DZIP1L: variants seen among roughly 807,000 people sequenced by gnomAD.
DZIP1L encodes the protein DAZ interacting zinc finger protein 1 like, also known as cilium assembly protein DZIP1L.
A neutral mutation model predicts 88.7 loss-of-function variants in DZIP1L; 90 were observed. The observed-to-expected ratio is 1.02, with a 90% CI of 0.86 to 1.21. The LOEUF is 1.21. Among genes scored for constraint, DZIP1L ranks in the 50% most tolerant of loss-of-function variants. The probability of loss-of-function intolerance (pLI) is 0.00; values close to 1 mark genes in which losing one functional copy is unlikely to be tolerated. For synonymous variants in DZIP1L, 363 were observed against 372.1 expected (o/e 0.98, Z 0.28); for missense variants, 932 against 955.8 (o/e 0.98, Z 0.33).
At chr3:138,103,050 CAT>C in intron 2 of DZIP1L, 1 of 434,994 alleles carries the variant, frequency 2.3e-6, no homozygotes, top group Non-Finnish European at 4.2e-6. Context: ...TCCTTTATAA[CAT>C]AGTACAAGCA....
chr3:138,076,897 A>C (rs1943438596), intron 11 of DZIP1L, among the ~76,000 whole-genome samples: 1 of 152,190 alleles, frequency 6.6e-6, no homozygotes, highest in African/African-American at 2.4e-5. Context: ...TTCCCCAAAA[A>C]CCCACTGAAA....
At chr3:138,100,158 C>T (rs1331342445) in intron 2 of DZIP1L, among the ~76,000 whole-genome samples, 2 of 152,160 alleles carry the variant, frequency 1.3e-5, no homozygotes, top group Non-Finnish European at 2.9e-5. Context: ...TTCAGCCCCA[C>T]CCTCCAGCCT....
Position 138,094,897 on chromosome 3 carries a change from C to T in DZIP1L, c.673G>A (p.Ala225Thr). ...KLKWTQGELE[A>T]QREAERQRQL... ...CGCTGCCTCTCCGCCTCCCTCTGGG[C>T]TTCCAGCTCCCCTTGGGTCCACTTT... Residue 225 changes from alanine to threonine, a missense_variant, in exon 4 of 16, where the codon GCC becomes ACC. Coordinates refer to ENST00000327532, the MANE Select transcript of DZIP1L (RefSeq NM_173543.3). 6.2e-7 allele frequency: 1 copy of T among 1,614,260 alleles called. No individual in the cohort carries two copies. Among genetic ancestry groups the T allele is most frequent in the Non-Finnish European group, 8.5e-7 (1 of 1,180,040 alleles).
At chr3:138,089,371 A>G in intron 5 of DZIP1L, 2 of 669,916 alleles carry the variant, frequency 3.0e-6, no homozygotes, top group South Asian at 1.3e-4. Flanking sequence ...CACACCACAG[A>G]GCTGACTTTC....
intron 7 of DZIP1L, among the ~76,000 whole-genome samples, chr3:138,085,667 A>G (rs1190381473): frequency 6.6e-6 from 1 of 152,236 alleles, no homozygotes; most frequent in East Asian, 1.9e-4. Context: ...TGGGAATGTA[A>G]ACTAGTTCAA....
Position 138,094,917 on chromosome 3 carries a change from C to T in DZIP1L, c.653G>A (p.Trp218Ter). The T allele has an allele frequency of 6.2e-7, 1 of 1,614,254 alleles. No homozygotes were observed. Among genetic ancestry groups the T allele is most frequent in the Non-Finnish European group, 8.5e-7 (1 of 1,180,048 alleles). The change falls in exon 4 of 16, where the codon TGG (tryptophan) becomes TAG (stop). Residue 218 changes from tryptophan to a stop codon, truncating the protein, a stop_gained. Transcript: ENST00000327532. LOFTEE classifies it high-confidence loss of function. ...VLEELRAKLK[W>*]TQGELEAQRE... ...CTGGGCTTCCAGCTCCCCTTGGGTC[C>T]ACTTTAGCTTGGCCCGTAGCTCTTC...
chr3:138,091,681 G>GGGGA (rs1944239133), intron 5 of DZIP1L, among the ~76,000 whole-genome samples: 1 of 50,058 alleles, frequency 2.0e-5, no homozygotes, highest in African/African-American at 5.5e-5. Flanking sequence ...GAGAGGGAGG[G>GGGGA]AGGAAGGAAG....
rs116914130 is a variant in DZIP1L, at chr3:138,092,216, C to T, written c.870+167G>A. The stretch of plus-strand genomic sequence containing the variant: ...AATGTTGACACAGCAGTGATTCAAC[C>T]CCAAGGCGTCTGAAATCTGGGCCTC... On this transcript the variant is annotated intron_variant, in intron 5 of 15. Transcript: ENST00000327532. 1,744 of 691,246 alleles carry T rather than the reference C, an allele frequency of 2.5e-3. 23 individuals are homozygous for T. In the East Asian group the frequency reaches 0.031, roughly 12 times the overall value. The allele number at this position is 691,246 out of a possible 1,614,324, so 42.8% of individuals were successfully genotyped here.
chr3:138,077,694 C>T, intron 10 of DZIP1L, 62 bp from the exon 11 acceptor site: 15 of 1,593,268 alleles, frequency 9.4e-6, no homozygotes, highest in Non-Finnish European at 1.3e-5. Context: ...TCCCAGAGCC[C>T]TACTGCACCT....
intron 5 of DZIP1L, chr3:138,088,904 C>T (rs936570550): frequency 6.1e-6 from 6 of 987,272 alleles, no homozygotes; most frequent in Non-Finnish European, 7.2e-6. Context: ...GGACTCCTGC[C>T]TCTCTCCCTA....
rs28843690 is a variant in DZIP1L, at chr3:138,093,339, G to C, written c.709-795C>G. 2.0e-5 allele frequency among the ~76,000 whole-genome samples: 3 copies of C among 152,266 alleles called. No homozygotes were observed. In the East Asian group the frequency reaches 5.8e-4, roughly 29 times the overall value. ...CTCAACAGTGGGCTTAAAATATTCAGTAAACCATAGCTGTGCTGTCATCCG... is the reference window on the plus strand; with the variant it reads ...CTCAACAGTGGGCTTAAAATATTCACTAAACCATAGCTGTGCTGTCATCCG... On this transcript the variant is annotated intron_variant, in intron 4 of 15. Coordinates refer to ENST00000327532, the MANE Select transcript of DZIP1L (RefSeq NM_173543.3).
chr3:138,071,671 C>A lies in DZIP1L; in HGVS notation c.1587G>T (p.Val529=). 1 of 1,613,924 alleles carries A rather than the reference C, an allele frequency of 6.2e-7. No individual in the cohort carries two copies. Among genetic ancestry groups the A allele is most frequent in the Non-Finnish European group, 8.5e-7 (1 of 1,179,862 alleles). ...AAGGCTGCCCGTCTGGCTGGGACAC[C>A]ACAGCGCCATTCTCCTGTCTCTCCT... ...RAKERQENGA[V]VSQPDGQPSV... The change falls in exon 12 of 16, where the codon GTG becomes GTT. Residue 529 remains valine, a synonymous_variant. Transcript: ENST00000327532.
At position 138,097,804 on chromosome 3, in the gene DZIP1L, C is replaced by T. The variant is rs749061978; in HGVS notation, c.545G>A (p.Arg182Gln). Reference sequence around the variant, plus strand: ...TGCATGCCTGCGCTGGATGTGGCCCCGGAGAAAGGTGGCATTCATGAATGT... The same window carrying T: ...TGCATGCCTGCGCTGGATGTGGCCCTGGAGAAAGGTGGCATTCATGAATGT... The part of the protein sequence containing the change: ...DKTFMNATFL[R>Q]GHIQRRHAGV... The change falls in exon 3 of 16, where the codon CGG becomes CAG. Residue 182 changes from arginine (R) to glutamine (Q), a missense_variant. Transcript: ENST00000327532. The T allele has an allele frequency of 4.3e-6, 7 of 1,613,046 alleles. No individual in the cohort carries two copies. The Admixed American group carries it at 5.0e-5, about 12-fold the overall frequency.
In DZIP1L at chr3:138,067,683, G is replaced by C; in HGVS notation, c.1850C>G (p.Ser617Cys). ...ACGGTCTCCCTCTGAGTCCTCTTCAGAACTGAACGGGGGCGTGCTGCCACG... is the reference window on the plus strand; with the variant it reads ...ACGGTCTCCCTCTGAGTCCTCTTCACAACTGAACGGGGGCGTGCTGCCACG... ...GPGMSTPPFSSEEDSEGDRVQ... is the reference protein window; with the variant it reads ...GPGMSTPPFSCEEDSEGDRVQ... Residue 617 changes from serine (S) to cysteine (C), a missense_variant, in exon 14 of 16, where the codon TCT becomes TGT. Transcript: ENST00000327532. 2 of 1,588,420 alleles carry C rather than the reference G, an allele frequency of 1.3e-6. No homozygotes were observed. The highest frequency in any genetic ancestry group is 1.7e-6 in the Non-Finnish European group (2 of 1,168,646).
intron 1 of DZIP1L, among the ~76,000 whole-genome samples, chr3:138,111,433 A>G (rs1292840757): frequency 6.6e-6 from 1 of 152,216 alleles, no homozygotes; most frequent in African/African-American, 2.4e-5. Flanking sequence ...AGGTGGAATC[A>G]GGCATATCAA....
At chr3:138,086,917 G>A (rs1481722211) in intron 7 of DZIP1L, 44 bp downstream of exon 7, 2 of 1,603,630 alleles carry the variant, frequency 1.2e-6, no homozygotes, top group Non-Finnish European at 1.7e-6. Flanking sequence ...CTGAGAGGAG[G>A]TCACAGGAAA....
rs190027384 is a variant in DZIP1L at position 138,102,236 on chromosome 3, C to G, written c.501+1235G>C. The G allele has an allele frequency of 1.8e-3, 2,573 of 1,423,458 alleles. 4 individuals carry two copies. Among genetic ancestry groups the G allele is most frequent in the Non-Finnish European group, 1.6e-3 (1,655 of 1,013,064 alleles). The allele number at this position is 1,423,458 out of a possible 1,614,324, so 88.2% of individuals were successfully genotyped here. ...GCAGCTCCCGGATCTCCTCTTCATA[C>G]AGCTGCCTGAGGAAGTTGATCTCGT... On this transcript the variant is annotated intron_variant, in intron 2 of 15. Transcript: ENST00000327532.
At chr3:138,097,693 C>T in intron 3 of DZIP1L, 70 bp downstream of exon 3, 1 of 1,433,852 alleles carries the variant, frequency 7.0e-7, no homozygotes, top group Non-Finnish European at 9.6e-7. Context: ...AGGTGGTCAC[C>T]ACCCACTGAA....
At chr3:138,082,839 C>A (rs62280627) in intron 8 of DZIP1L, among the ~76,000 whole-genome samples, 2,382 of 152,290 alleles carry the variant, frequency 0.016, 35 homozygotes, top group Non-Finnish European at 0.026. Flanking sequence ...AAGCACAAGT[C>A]TTGGGAAGGG....
Sources: allele counts gnomAD v4.1 joint callset (sites outside exome capture counted in the v4.1 genomes callset), GRCh38; gene constraint gnomAD v4.1.1; transcripts MANE v1.5; gene names NCBI Gene and HGNC (gene_info 2026-07-23, HGNC 2026-07-21).